Variants in IRS1 observed in about 807,000 individuals in gnomAD.
The protein encoded by IRS1 is insulin receptor substrate 1.
Under a neutral mutation model 65.6 loss-of-function variants are expected in IRS1, and 34 were observed. The observed-to-expected ratio is 0.52, with a 90% CI of 0.39 to 0.69. The LOEUF is 0.69. Among genes scored for constraint, IRS1 ranks in the 30% least tolerant of loss-of-function variants. The pLI is 0.00. For missense variants in IRS1, 1,641 were observed against 1,720.2 expected (o/e 0.95, Z 0.81); for synonymous variants, 699 against 683.5 (o/e 1.02, Z -0.35).
At chr2:226,770,177 T>A (rs1939136394) in intron 1 of IRS1, among the ~76,000 whole-genome samples, 1 of 152,240 alleles carries the variant, frequency 6.6e-6, no homozygotes, top group South Asian at 2.1e-4. Context: ...AGAGAAAACT[T>A]CATTTAACAA....
chr2:226,790,599 G>C (rs1182504252), intron 1 of IRS1, among the ~76,000 whole-genome samples: 3 of 152,074 alleles, frequency 2.0e-5, no homozygotes, highest in Admixed American at 6.5e-5. Context: ...GCACCTGCTT[G>C]GTACGTTTCC....
intron 1 of IRS1, among the ~76,000 whole-genome samples, chr2:226,755,879 G>T (rs554479529): frequency 2.3e-4 from 35 of 152,350 alleles, no homozygotes; most frequent in African/African-American, 4.8e-4. Context: ...AGAGCATGGA[G>T]CTCCTCCTCC....
rs769318852 is a variant in IRS1, at chr2:226,795,582, G to C, written c.3157C>G (p.Leu1053Val). The C allele has an allele frequency of 6.2e-7, 1 of 1,612,732 alleles. No homozygotes were observed. The highest frequency in any genetic ancestry group is 1.7e-5 in the Admixed American group (1 of 60,026). Residue 1053 changes from leucine (L) to valine (V), a missense_variant, in exon 1 of 2, where the codon CTG (leucine) becomes GTG (valine). By Grantham distance (32) the Leu-to-Val change is conservative (BLOSUM62 1). Around this residue, in one of 3 missense-constraint regions of IRS1, gnomAD observed 1,324 missense variants for 1,361.0 expected, o/e 0.97. Coordinates refer to ENST00000305123, the MANE Select transcript of IRS1 (RefSeq NM_005544.3). The part of the protein sequence containing the change: ...SPTGPQGAAE[L>V]AAHSSLLGGP... ...CCCAGCAGGGACGAGTGGGCAGCCA[G>C]CTCTGCTGCCCCTTGAGGCCCAGTC...
At chr2:226,751,606 T>TTTTTA (rs1938685207) in intron 1 of IRS1, among the ~76,000 whole-genome samples, 1 of 151,846 alleles carries the variant, frequency 6.6e-6, no homozygotes, top group Non-Finnish European at 1.5e-5. Context: ...AAACCCTGCT[T>TTTTTA]AGTGTTCAGG....
intron 1 of IRS1, among the ~76,000 whole-genome samples, chr2:226,743,234 A>G (rs1938475427): frequency 6.8e-6 from 1 of 146,798 alleles, no homozygotes; most frequent in Admixed American, 6.8e-5. Context: ...GGAAGATTTA[A>G]TTTTTTTTTT....
chr2:226,778,306 T>C lies in IRS1; in HGVS notation c.*21+16683A>G, dbSNP rs1939312094. ...TGAGGGAAATTCTCTCACATGTAAA[T>C]GAAGGATTTAAGTTAGCGATAAAGG... On this transcript the variant is annotated intron_variant, in intron 1 of 1. Coordinates refer to ENST00000305123, the MANE Select transcript of IRS1 (RefSeq NM_005544.3). Among the ~76,000 whole-genome samples the C allele has an allele frequency of 3.9e-5, 6 of 152,224 alleles. No homozygotes were observed. The South Asian group carries it at 1.2e-3, about 32-fold the overall frequency.
At position 226,798,276 on chromosome 2, in the gene IRS1, G is replaced by T. The variant is rs1446029674; in HGVS notation, c.463C>A (p.Pro155Thr). 22 of 1,613,112 alleles carry T rather than the reference G, an allele frequency of 1.4e-5. No homozygotes were observed. Among genetic ancestry groups the T allele is most frequent in the Non-Finnish European group, 1.9e-5 (22 of 1,179,902 alleles). Reference sequence around the variant, plus strand: ...ACCTCTTTGAATGCGGGTCCTGGGGGCACGTCACCGTAGCTCAAGTCCTCC... The same window carrying T: ...ACCTCTTTGAATGCGGGTCCTGGGGTCACGTCACCGTAGCTCAAGTCCTCC... The part of the protein sequence containing the change: ...AGEDLSYGDV[P>T]PGPAFKEVWQ... The change falls in exon 1 of 2, where the codon CCC becomes ACC. Residue 155 changes from proline (P) to threonine (T), a missense_variant. By Grantham distance (38) the Pro-to-Thr change is conservative (BLOSUM62 -1). Transcript: ENST00000305123. This position sits in a 1 kb window ranked among gnomAD's most constrained non-coding sequence, Gnocchi z 9.4.
Position 226,796,163 on chromosome 2 carries a change from G to C in IRS1, c.2576C>G (p.Thr859Arg). 2 of 1,613,694 alleles carry C rather than the reference G, an allele frequency of 1.2e-6. No individual in the cohort carries two copies. The highest frequency in any genetic ancestry group is 1.7e-6 in the Non-Finnish European group (2 of 1,180,018). ...CTTGGGATCCCCCAGGGACAGCCTC[G>C]TGGGCCGGGCCAGGCGGCTATTGGT... is the stretch of plus-strand genomic sequence containing the variant. Reference protein sequence around the residue: ...AQTNSRLARPTRLSLGDPKAS... With the variant: ...AQTNSRLARPRRLSLGDPKAS... Residue 859 changes from threonine (T) to arginine (R), a missense_variant, in exon 1 of 2, where the codon ACG (threonine) becomes AGG (arginine). Thr to Arg is a moderately conservative substitution (Grantham distance 71). Transcript: ENST00000305123.
In IRS1 at chr2:226,797,614, G is replaced by T. The variant is rs775106774; in HGVS notation, c.1125C>A (p.Ile375=). The T allele has an allele frequency of 6.3e-7, 1 of 1,589,004 alleles. No individual in the cohort carries two copies. Among genetic ancestry groups the T allele is most frequent in the Admixed American group, 1.7e-5 (1 of 58,870 alleles). Residue 375 remains isoleucine, a synonymous_variant, in exon 1 of 2, where the codon ATC becomes ATA. Coordinates refer to ENST00000305123, the MANE Select transcript of IRS1 (RefSeq NM_005544.3). The surrounding 1 kb of genome is among the most constrained non-coding windows in gnomAD (Gnocchi z 8.1). ...LHPPLNHSRS[I]PMPASRCSPS... ...GCGAGCAGCGGGAAGCCGGCATGGG[G>T]ATGGAGCGGCTGTGGTTGAGCGGGG...
At position 226,798,156 on chromosome 2, in the gene IRS1, C is replaced by T; in HGVS notation, c.583G>A (p.Val195Met). 1.9e-6 allele frequency: 3 copies of T among 1,614,046 alleles called. No homozygotes were observed. Among genetic ancestry groups the T allele is most frequent in the East Asian group, 2.2e-5 (1 of 44,886 alleles). Residue 195 changes from valine (V) to methionine (M), a missense_variant, in exon 1 of 2, where the codon GTG becomes ATG. Coordinates refer to ENST00000305123, the MANE Select transcript of IRS1 (RefSeq NM_005544.3). The surrounding 1 kb of genome is among the most constrained non-coding windows in gnomAD (Gnocchi z 9.4). ...LCLTSKTISF[V>M]KLNSEAAAVV... Reference sequence around the variant, plus strand: ...GCCGCTGCCTCCGAGTTCAGCTTCACGAAGCTGATGGTCTTGCTGGTCAGG... The same window carrying T: ...GCCGCTGCCTCCGAGTTCAGCTTCATGAAGCTGATGGTCTTGCTGGTCAGG...
chr2:226,756,959 TAATA>T (rs71036150), intron 1 of IRS1, among the ~76,000 whole-genome samples: 10,692 of 145,128 alleles, frequency 0.074, 464 homozygotes, highest in South Asian at 0.11. Context: ...AGACTCCGTC[TAATA>T]AATAAATAAA....
At chr2:226,789,652 C>A (rs1939551378) in intron 1 of IRS1, among the ~76,000 whole-genome samples, 1 of 152,154 alleles carries the variant, frequency 6.6e-6, no homozygotes, top group Non-Finnish European at 1.5e-5. Context: ...CAACAGGATG[C>A]ATGTGTTAAT....
Position 226,799,787 on chromosome 2 carries a change from C to T in IRS1, c.-1049G>A. Reference sequence around the variant, plus strand: ...TCACTCGGAGGAGAAAAACACGTGACGGAGCCTCCGCGCTCGGCAGCCGGG... The same window carrying T: ...TCACTCGGAGGAGAAAAACACGTGATGGAGCCTCCGCGCTCGGCAGCCGGG... On this transcript the variant is annotated 5_prime_UTR_variant, in exon 1 of 2. Transcript: ENST00000305123. The surrounding 1 kb of genome is among the most constrained non-coding windows in gnomAD (Gnocchi z 6.1). 5.0e-6 allele frequency: 5 copies of T among 993,130 alleles called. No individual in the cohort carries two copies. The highest frequency in any genetic ancestry group is 6.0e-6 in the Non-Finnish European group (5 of 829,872). The allele number at this position is 993,130 out of a possible 1,614,324, so 61.5% of individuals were successfully genotyped here. A position where few individuals can be genotyped will look rare whatever the true frequency, so the allele number is the denominator to read the frequency against.
rs756141063 is a variant in IRS1, at chr2:226,796,233, C to A, written c.2506G>T (p.Val836Phe). The A allele has an allele frequency of 1.2e-5, 19 of 1,613,344 alleles. No individual in the cohort carries two copies. In the African/African-American group the frequency reaches 1.9e-4, roughly 16 times the overall value. ...TTTCGAGGCAGATGGGGCTGCAGAA[C>A]CTGATGGTGGGGATGTGGAAGGCTG... ...EPSLPHPHHQ[V>F]LQPHLPRKVD... The change falls in exon 1 of 2, where the codon GTT becomes TTT. Residue 836 changes from valine to phenylalanine, a missense_variant. Val to Phe is a conservative substitution (Grantham distance 50). This residue lies in a region of IRS1 where 1,324 missense variants were observed against 1,361.0 expected (regional missense o/e 0.97). Coordinates refer to ENST00000305123, the MANE Select transcript of IRS1 (RefSeq NM_005544.3).
Position 226,795,185 on chromosome 2 carries a change from A to C in IRS1, c.3554T>G (p.Val1185Gly), listed in dbSNP as rs747114219. 1 of 1,613,866 alleles carries C rather than the reference A, an allele frequency of 6.2e-7. No homozygotes were observed. The highest frequency in any genetic ancestry group is 1.7e-5 in the Admixed American group (1 of 60,008). ...CTGAGGGCACTGTTTGAAGTCCTTGACCAAATCCAGGTCTATGTAGTTAAG... is the reference window on the plus strand; with the variant it reads ...CTGAGGGCACTGTTTGAAGTCCTTGCCCAAATCCAGGTCTATGTAGTTAAG... ...NGLNYIDLDL[V>G]KDFKQCPQEC... The change falls in exon 1 of 2, where the codon GTC (valine) becomes GGC (glycine). Residue 1185 changes from valine to glycine, a missense_variant. By Grantham distance (109) the Val-to-Gly change is moderately radical (BLOSUM62 -3). This residue lies in a region of IRS1 where 1,324 missense variants were observed against 1,361.0 expected (regional missense o/e 0.97). Coordinates refer to ENST00000305123, the MANE Select transcript of IRS1 (RefSeq NM_005544.3).
chr2:226,797,914 G>A lies in IRS1; in HGVS notation c.825C>T (p.Asn275=), dbSNP rs764352157. The A allele has an allele frequency of 2.2e-5, 35 of 1,613,806 alleles. No individual in the cohort carries two copies. The highest frequency in any genetic ancestry group is 3.0e-5 in the Non-Finnish European group (35 of 1,180,008). Reference sequence around the variant, plus strand: ...GGGGGACGCTGATGGGGTTAGAGCAGTTGGACGAGGACTGGCTCTTGCTGC... The same window carrying A: ...GGGGGACGCTGATGGGGTTAGAGCAATTGGACGAGGACTGGCTCTTGCTGC... The part of the protein sequence containing the change: ...RPRSKSQSSS[N]CSNPISVPLR... Residue 275 remains asparagine (N), a synonymous_variant, in exon 1 of 2, where the codon AAC becomes AAT. Transcript: ENST00000305123. This position sits in a 1 kb window ranked among gnomAD's most constrained non-coding sequence, Gnocchi z 8.1.
chr2:226,791,753 C>G (rs1157389705), intron 1 of IRS1, among the ~76,000 whole-genome samples: 1 of 151,998 alleles, frequency 6.6e-6, no homozygotes, highest in African/African-American at 2.4e-5. Flanking sequence ...CCAACCGCCC[C>G]GCCCGCCCGG....
At chr2:226,749,841 G>A (rs10205923) in intron 1 of IRS1, among the ~76,000 whole-genome samples, 24,040 of 152,068 alleles carry the variant, frequency 0.16, 2,740 homozygotes, top group East Asian at 0.31. Flanking sequence ...CATCTACCAC[G>A]TGACCAAGTC....
In IRS1 at chr2:226,758,075, A is replaced by G. The variant is rs867672550; in HGVS notation, c.*22-21825T>C. Among the ~76,000 whole-genome samples the G allele has an allele frequency of 2.6e-5, 4 of 152,206 alleles. No homozygotes were observed. In the South Asian group the frequency reaches 6.2e-4, roughly 24 times the overall value. ...ATTTTGAAGGAAAAGAAAATGAGAG[A>G]GGCAGAGACAAAAAAATGGATTAAA... is the stretch of plus-strand genomic sequence containing the variant. On this transcript the variant is annotated intron_variant, in intron 1 of 1. Transcript: ENST00000305123.
Sources: allele counts gnomAD v4.1 joint callset (sites outside exome capture counted in the v4.1 genomes callset), GRCh38; gene constraint gnomAD v4.1.1; regional missense constraint gnomAD v4.1.1; non-coding constraint Gnocchi (gnomAD v3.1); transcripts MANE v1.5; gene names NCBI Gene and HGNC (gene_info 2026-07-23, HGNC 2026-07-21).